CDH13: variants seen among roughly 807,000 people sequenced by gnomAD.
The protein encoded by CDH13 is cadherin-13.
CDH13 carries 24 observed loss-of-function variants against 63.8 expected under a neutral mutation model. That is an observed-to-expected ratio of 0.38 (90% confidence interval 0.27 to 0.53). CDH13 has a LOEUF of 0.53. Among genes scored for constraint, CDH13 ranks in the 20% least tolerant of loss-of-function variants. CDH13 has a pLI of 0.85. For missense variants in CDH13, 1,049 were observed against 903.1 expected, an observed-to-expected ratio of 1.16 and a Z score of -2.07; for synonymous variants, 503 against 355.3, an observed-to-expected ratio of 1.42 and a Z score of -4.67.
Position 82,733,134 on chromosome 16 carries a change from C to G in CDH13, c.45+105997C>G, listed in dbSNP as rs183356993. Among the ~76,000 whole-genome samples the G allele has an allele frequency of 2.4e-4, 36 of 152,318 alleles. No individual in the cohort carries two copies. In the South Asian group the frequency reaches 5.6e-3, roughly 24 times the overall value. On this transcript the variant is annotated intron_variant, in intron 1 of 13. Coordinates refer to ENST00000567109, the MANE Select transcript of CDH13 (RefSeq NM_001257.5). ...TGAGGCAGAGAAGTTTGCTATCCAACTGGATGCCCTCAACAATGTTTGCAT... is the reference window on the plus strand; with the variant it reads ...TGAGGCAGAGAAGTTTGCTATCCAAGTGGATGCCCTCAACAATGTTTGCAT...
chr16:82,711,161 G>A (rs2031911662), intron 1 of CDH13, among the ~76,000 whole-genome samples: 1 of 152,154 alleles, frequency 6.6e-6, no homozygotes, highest in African/African-American at 2.4e-5. Flanking sequence ...CCGCGTGGCA[G>A]TGACCGCAGT....
intron 7 of CDH13, among the ~76,000 whole-genome samples, chr16:83,544,355 T>C (rs1373184578): frequency 6.6e-6 from 1 of 152,078 alleles, no homozygotes; most frequent in Non-Finnish European, 1.5e-5. Flanking sequence ...ACATTTCCTA[T>C]AGATGCTCCT....
intron 6 of CDH13, among the ~76,000 whole-genome samples, chr16:83,440,734 G>C (rs576237851): frequency 6.8e-6 from 1 of 146,816 alleles, no homozygotes; most frequent in African/African-American, 2.5e-5. Flanking sequence ...ACAGTGAGTT[G>C]AGACTGAGCC....
At chr16:83,425,975 A>T (rs543672700) in intron 6 of CDH13, among the ~76,000 whole-genome samples, 19 of 152,332 alleles carry the variant, frequency 1.2e-4, no homozygotes, top group African/African-American at 4.3e-4. Context: ...TTAAAATGAG[A>T]TATATAGTAA....
At chr16:83,346,779 ATTTT>A (rs569347240) in intron 6 of CDH13, among the ~76,000 whole-genome samples, 204 of 152,226 alleles carry the variant, frequency 1.3e-3, no homozygotes, top group African/African-American at 4.7e-3. Context: ...TATTTTGTGT[ATTTT>A]TTATGTATGT....
At chr16:83,398,064 T>A (rs1488152786) in intron 6 of CDH13, 1 of 152,242 alleles carries the variant, frequency 6.6e-6, no homozygotes, top group Non-Finnish European at 1.5e-5. Flanking sequence ...TCTAGACCAG[T>A]GTATCCGAAG....
At chr16:82,822,107 C>G (rs1304112458) in intron 1 of CDH13, among the ~76,000 whole-genome samples, 3 of 152,150 alleles carry the variant, frequency 2.0e-5, no homozygotes, top group African/African-American at 7.2e-5. Context: ...AGACATTTGC[C>G]TCACCCCACT....
At chr16:83,052,539 G>T (rs1305470197) in intron 3 of CDH13, among the ~76,000 whole-genome samples, 1 of 152,116 alleles carries the variant, frequency 6.6e-6, no homozygotes, top group African/African-American at 2.4e-5. Context: ...CAACAGTTTG[G>T]GAGGCCAAGG....
At chr16:83,515,330 C>T (rs1298074090) in intron 7 of CDH13, among the ~76,000 whole-genome samples, 1 of 152,200 alleles carries the variant, frequency 6.6e-6, no homozygotes, top group African/African-American at 2.4e-5. Flanking sequence ...CTCTTTTAAG[C>T]ATTACACTTC....
intron 2 of CDH13, among the ~76,000 whole-genome samples, chr16:82,977,212 T>C (rs1449818115): frequency 6.6e-6 from 1 of 152,160 alleles, no homozygotes; most frequent in African/African-American, 2.4e-5. Context: ...AGTTCCAGCA[T>C]GGACCCAGTG....
intron 1 of CDH13, among the ~76,000 whole-genome samples, chr16:82,684,128 G>A (rs1314833239): frequency 2.6e-5 from 4 of 152,194 alleles, no homozygotes; most frequent in African/African-American, 4.8e-5. Context: ...AGGTTCAATC[G>A]TATTTGGGGA....
chr16:82,686,723 T>C (rs575600622), intron 1 of CDH13, among the ~76,000 whole-genome samples: 1 of 152,330 alleles, frequency 6.6e-6, no homozygotes, highest in South Asian at 2.1e-4. Flanking sequence ...CAACCCAGAA[T>C]GTTGCTTGAT....
chr16:83,481,213 C>G (rs1415249684), intron 6 of CDH13, among the ~76,000 whole-genome samples: 1 of 152,162 alleles, frequency 6.6e-6, no homozygotes, highest in African/African-American at 2.4e-5. Flanking sequence ...TATCAGAAAT[C>G]CAGTGCTGAA....
intron 1 of CDH13, among the ~76,000 whole-genome samples, chr16:82,627,710 G>A (rs1435668520): frequency 2.0e-5 from 3 of 152,112 alleles, no homozygotes; most frequent in African/African-American, 7.2e-5. Context: ...CCTCAGCCCG[G>A]CTGCTGCTGT....
At chr16:83,614,606 C>T (rs748526510) in intron 8 of CDH13, among the ~76,000 whole-genome samples, 7 of 152,124 alleles carry the variant, frequency 4.6e-5, no homozygotes, top group South Asian at 2.1e-4. Context: ...ACCAGCTCTT[C>T]GGCACTTTCA....
intron 2 of CDH13, among the ~76,000 whole-genome samples, chr16:82,898,608 G>T (rs887342864): frequency 6.6e-6 from 1 of 152,164 alleles, no homozygotes; most frequent in Admixed American, 6.6e-5. Context: ...TGGTCTAAAA[G>T]TCCAGAGGTT....
intron 10 of CDH13, among the ~76,000 whole-genome samples, chr16:83,737,518 T>TG (rs1911650235): frequency 6.6e-6 from 1 of 152,180 alleles, no homozygotes; most frequent in African/African-American, 2.4e-5. Context: ...TCTTTTTTTT[T>TG]TGGGAAATAT....
At chr16:83,497,508 T>C (rs1301746126) in intron 7 of CDH13, among the ~76,000 whole-genome samples, 5 of 103,234 alleles carry the variant, frequency 4.8e-5, no homozygotes, top group Non-Finnish European at 7.3e-5. Context: ...CTGGGGACTG[T>C]TGTGGGGTGG....
intron 2 of CDH13, among the ~76,000 whole-genome samples, chr16:82,883,841 G>T (rs963103475): frequency 2.0e-5 from 3 of 152,176 alleles, no homozygotes; most frequent in African/African-American, 7.2e-5. Context: ...CAGCTTTAGG[G>T]CTTAATGAAC....
Sources: gnomAD v4.1 joint callset for allele counts (sites outside exome capture counted in the v4.1 genomes callset) on GRCh38, gnomAD v4.1.1 for gene constraint, MANE v1.5 for transcripts, NCBI Gene and HGNC (gene_info 2026-07-23, HGNC 2026-07-21) for gene names.